OR2AT4: variants seen among roughly 807,000 people sequenced by gnomAD.
The protein encoded by OR2AT4 is olfactory receptor 2AT4.
A neutral mutation model predicts 10.3 loss-of-function variants in OR2AT4; 6 were observed. That is an observed-to-expected ratio of 0.58 (90% CI 0.32 to 1.15). The LOEUF (loss-of-function observed/expected upper bound fraction) is 1.15, where lower values mean the gene tolerates loss of function less well. Among genes scored for constraint, OR2AT4 ranks in the 50% most tolerant of loss-of-function variants. The pLI, the probability that OR2AT4 is intolerant of heterozygous loss-of-function variation, is 0.05. For synonymous variants in OR2AT4, 145 were observed against 159.1 expected, an observed-to-expected ratio of 0.91 and a Z score of 0.67; for missense variants, 354 against 393.8, an observed-to-expected ratio of 0.90 and a Z score of 0.85.
exon 2 of OR2AT4, chr11:75,085,635 T>C (rs979774110): frequency 6.6e-6 from 1 of 151,978 alleles, no homozygotes; most frequent in African/African-American, 2.4e-5. Context: ...TCTAGTAATA[T>C]ATAAAGGGCA....
exon 2 of OR2AT4, chr11:75,083,062 G>C (rs371932849): frequency 9.4e-5 from 10 of 106,268 alleles, no homozygotes; most frequent in African/African-American, 3.3e-4. Context: ...CTGGGCGACA[G>C]AATAAGACTG....
At chr11:75,089,200 C>A in exon 2 of OR2AT4, 1 of 1,614,140 alleles carries the variant, frequency 6.2e-7, no homozygotes, top group African/African-American at 1.3e-5. Flanking sequence ...CTGTTATATG[C>A]CATCTGGGAG....
chr11:75,090,657 A>G (rs186005291), intron 1 of OR2AT4, among the ~76,000 whole-genome samples: 1 of 152,352 alleles, frequency 6.6e-6, no homozygotes, highest in African/African-American at 2.4e-5. Context: ...GTGATAGTCA[A>G]AAAAGGCTTA....
At chr11:75,088,650 A>T (rs1949301185) in exon 2 of OR2AT4, 1 of 1,116,254 alleles carries the variant, frequency 9.0e-7, no homozygotes, top group Non-Finnish European at 1.2e-6. Flanking sequence ...TTAAGATTCC[A>T]ATAAAAATTA....
exon 2 of OR2AT4, chr11:75,088,026 G>A (rs1423283483): frequency 6.6e-6 from 1 of 152,086 alleles, no homozygotes; most frequent in African/African-American, 2.4e-5. Flanking sequence ...ATATCCTAGA[G>A]ATGATATCAT....
exon 2 of OR2AT4, chr11:75,089,572 C>T (rs1171394617): frequency 6.2e-7 from 1 of 1,613,958 alleles, no homozygotes; most frequent in Non-Finnish European, 8.5e-7. Flanking sequence ...AGGATCAGGG[C>T]ATTACCCATC....
chr11:75,094,170 G>A (rs113205650), intron 1 of OR2AT4, among the ~76,000 whole-genome samples: 5 of 151,996 alleles, frequency 3.3e-5, no homozygotes, highest in Admixed American at 1.3e-4. Flanking sequence ...AAGATCCAGG[G>A]CTTTCCCATA....
chr11:75,089,545 C>T (rs1326801998), exon 2 of OR2AT4: 3 of 1,614,024 alleles, frequency 1.9e-6, no homozygotes, highest in Non-Finnish European at 2.5e-6. Context: ...AGGCTGGGCT[C>T]TGCCACCACG....
At position 75,089,680 on chromosome 11, in the gene OR2AT4, C is replaced by T. The variant is rs769605725; in HGVS notation, c.34G>A (p.Gly12Ser). 1.1e-5 allele frequency: 17 copies of T among 1,613,338 alleles called. No individual in the cohort carries two copies. Among genetic ancestry groups the T allele is most frequent in the Non-Finnish European group, 1.4e-5 (17 of 1,179,656 alleles). ...CCCAATAGATAGAAGACGGGTGAGC[C>T]ATCCACTGATTCATTACAGGCTGTG... The change falls in exon 2 of 2, where the codon GGC becomes AGC. Residue 12 changes from glycine (G) to serine (S), a missense_variant. Coordinates refer to ENST00000641504, the Ensembl canonical transcript of OR2AT4.
chr11:75,085,192 C>T (rs1287318664), exon 2 of OR2AT4: 2 of 151,906 alleles, frequency 1.3e-5, no homozygotes, highest in Non-Finnish European at 2.9e-5. Flanking sequence ...AAAGAGGAGA[C>T]ATCACAGACA....
intron 1 of OR2AT4, among the ~76,000 whole-genome samples, chr11:75,094,579 C>G (rs967896891): frequency 6.6e-6 from 1 of 152,080 alleles, no homozygotes; most frequent in Non-Finnish European, 1.5e-5. Context: ...AAGACCCTGT[C>G]TCTACAAAAA....
chr11:75,089,817 T>C, exon 2 of OR2AT4: 1 of 1,148,700 alleles, frequency 8.7e-7, no homozygotes, highest in Non-Finnish European at 1.2e-6. Context: ...GATAATGCTA[T>C]AATGTTTACT....
chr11:75,085,397 C>T (rs1371672729), exon 2 of OR2AT4: 1 of 151,988 alleles, frequency 6.6e-6, no homozygotes, highest in Non-Finnish European at 1.5e-5. Flanking sequence ...ATTCCAGGCC[C>T]TGGAAATTTT....
Position 75,093,804 on chromosome 11 carries a change from CTTTTTCTTTTTTTTTTTT to C in OR2AT4, c.-652+3006_-652+3023del, listed in dbSNP as rs1279156089. 5.0e-4 allele frequency among the ~76,000 whole-genome samples: 44 copies of C among 88,368 alleles called. 1 individual carries two copies. The highest frequency in any genetic ancestry group is 1.7e-3 in the African/African-American group (40 of 23,768). The allele number at this position is 88,368 out of a possible 152,430, so 58.0% of individuals were successfully genotyped here. On this transcript the variant is annotated intron_variant, in intron 1 of 1. Coordinates refer to ENST00000641504, the Ensembl canonical transcript of OR2AT4. ...TTTCTCTTTTCTTTTTTTTCTTTTT[CTTTTTCTTTTTTTTTTTT>C]TTTTTTTTTTTTTTTTTGAGACAGA...
exon 2 of OR2AT4, chr11:75,086,294 T>A (rs946162685): frequency 6.6e-6 from 1 of 152,174 alleles, no homozygotes; most frequent in Non-Finnish European, 1.5e-5. Flanking sequence ...TATTTAGATA[T>A]GTTATCAAAC....
At chr11:75,089,485 G>T (rs760480341) in exon 2 of OR2AT4, 7 of 1,614,086 alleles carry the variant, frequency 4.3e-6, no homozygotes, top group East Asian at 2.2e-5. Context: ...GTGGTGAAAA[G>T]GATGTCCAAG....
At chr11:75,085,987 A>T (rs959785777) in exon 2 of OR2AT4, 3 of 152,160 alleles carry the variant, frequency 2.0e-5, no homozygotes, top group Non-Finnish European at 4.4e-5. Flanking sequence ...TAAAGGATAG[A>T]CATATATATC....
exon 2 of OR2AT4, chr11:75,089,008 G>C (rs200237085): frequency 6.2e-7 from 1 of 1,614,174 alleles, no homozygotes; most frequent in East Asian, 2.2e-5. Context: ...CGTCCTTCTA[G>C]GGAACTGATG....
chr11:75,094,938 T>C (rs1262374865), intron 1 of OR2AT4, among the ~76,000 whole-genome samples: 1 of 152,164 alleles, frequency 6.6e-6, no homozygotes. Context: ...GTTTTTCTAA[T>C]ACCCAAAGAG....
Sources: gnomAD v4.1 joint callset for allele counts (sites outside exome capture counted in the v4.1 genomes callset) on GRCh38, gnomAD v4.1.1 for gene constraint, MANE v1.5 for transcripts, NCBI Gene and HGNC (gene_info 2026-07-23, HGNC 2026-07-21) for gene names.